The following ZNHIT6 variants were observed in gnomAD, a reference collection of about 807,000 sequenced individuals.
ZNHIT6 encodes box C/D snoRNA protein 1.
In ZNHIT6, 45 loss-of-function variants were observed where a neutral mutation model predicts 57.2. That is an observed-to-expected ratio of 0.79 (90% CI 0.62 to 1.01). The LOEUF (loss-of-function observed/expected upper bound fraction) is 1.01. Among genes scored for constraint, ZNHIT6 ranks in the 50% least tolerant of loss-of-function variants. The pLI is 0.00. For missense variants in ZNHIT6, 528 were observed against 567.3 expected (o/e 0.93, Z 0.70); for synonymous variants, 188 against 190.0 (o/e 0.99, Z 0.09).
chr1:85,701,547 A>C (rs1469725300), intron 5 of ZNHIT6, among the ~76,000 whole-genome samples: 1 of 152,226 alleles, frequency 6.6e-6, no homozygotes, highest in Admixed American at 6.5e-5. Context: ...TCTGTACTCA[A>C]GAGTTCAAAG....
chr1:85,682,276 G>A (rs537365399), intron 5 of ZNHIT6, among the ~76,000 whole-genome samples: 60 of 150,474 alleles, frequency 4.0e-4, no homozygotes, highest in Admixed American at 1.0e-3. Context: ...CACCTGGCTC[G>A]GCCTCCCAAA....
chr1:85,686,911 C>T (rs1360563541), intron 5 of ZNHIT6, among the ~76,000 whole-genome samples: 1 of 151,998 alleles, frequency 6.6e-6, no homozygotes, highest in African/African-American at 2.4e-5. Flanking sequence ...GTACCTCAGG[C>T]TTCTCATAGT....
intron 5 of ZNHIT6, among the ~76,000 whole-genome samples, chr1:85,682,271 G>T (rs1476048709): frequency 6.7e-6 from 1 of 149,928 alleles, no homozygotes; most frequent in Non-Finnish European, 1.5e-5. Flanking sequence ...TGATCCACCT[G>T]GCTCGGCCTC....
At chr1:85,695,457 G>A (rs958971486) in intron 5 of ZNHIT6, among the ~76,000 whole-genome samples, 18 of 152,108 alleles carry the variant, frequency 1.2e-4, no homozygotes, top group Non-Finnish European at 1.9e-4. Context: ...TTTTACTGAT[G>A]AGGAAAATGA....
intron 4 of ZNHIT6, among the ~76,000 whole-genome samples, chr1:85,704,667 TTAAG>T (rs1662630270): frequency 6.6e-6 from 1 of 152,154 alleles, no homozygotes; most frequent in Non-Finnish European, 1.5e-5. Flanking sequence ...TTATGCCTAA[TTAAG>T]TTTGAGGAAA....
At chr1:85,665,283 C>T (rs1007372092) in intron 8 of ZNHIT6, among the ~76,000 whole-genome samples, 6 of 151,366 alleles carry the variant, frequency 4.0e-5, no homozygotes, top group Non-Finnish European at 7.4e-5. Flanking sequence ...TTAAGGTATA[C>T]AATTTGATTT....
intron 5 of ZNHIT6, among the ~76,000 whole-genome samples, chr1:85,696,506 T>C (rs1662374776): frequency 6.6e-6 from 1 of 152,154 alleles, no homozygotes; most frequent in Non-Finnish European, 1.5e-5. Flanking sequence ...AAGGATACTT[T>C]AGGTTGGTGC....
chr1:85,705,600 C>G (rs1041538193), intron 4 of ZNHIT6, among the ~76,000 whole-genome samples: 1 of 152,192 alleles, frequency 6.6e-6, no homozygotes, highest in Non-Finnish European at 1.5e-5. Context: ...TTTAATTCCT[C>G]AAACCAGACA....
chr1:85,692,415 A>G (rs141598681), intron 5 of ZNHIT6, among the ~76,000 whole-genome samples: 20 of 152,322 alleles, frequency 1.3e-4, no homozygotes, highest in African/African-American at 4.3e-4. Context: ...TAGAGGCCCA[A>G]TTGGGGAACC....
intron 8 of ZNHIT6, among the ~76,000 whole-genome samples, chr1:85,670,294 G>A (rs1661522824): frequency 6.6e-6 from 1 of 152,088 alleles, no homozygotes; most frequent in Non-Finnish European, 1.5e-5. Flanking sequence ...TGCTACAATG[G>A]TAGAATTGAC....
chr1:85,679,128 T>C (rs951489280), intron 6 of ZNHIT6, among the ~76,000 whole-genome samples: 4 of 152,162 alleles, frequency 2.6e-5, no homozygotes, highest in African/African-American at 9.6e-5. Flanking sequence ...ATAATAAATC[T>C]GAAAAAAGGT....
intron 4 of ZNHIT6, among the ~76,000 whole-genome samples, chr1:85,702,746 A>G (rs1662572820): frequency 6.6e-6 from 1 of 152,214 alleles, no homozygotes; most frequent in Admixed American, 6.5e-5. Context: ...TGCCTAGTAC[A>G]AGGCCTAGCT....
chr1:85,706,627 T>G (rs1662693783), intron 1 of ZNHIT6, 120 bp from the exon 2 acceptor site: 8 of 886,600 alleles, frequency 9.0e-6, no homozygotes, highest in Admixed American at 3.6e-5. Context: ...ATTTGATAGC[T>G]GTTGAACATC....
Position 85,708,414 on chromosome 1 carries a change from A to G in ZNHIT6, c.-130T>C. On this transcript the variant is annotated 5_prime_UTR_variant, in exon 1 of 10. Transcript: ENST00000370574. ...GGAGCCAAGCAGCCACAAACCCGGA[A>G]TAGCCTGCTTGACGCGACTGCTCGA... 1 of 1,202,948 alleles carries G rather than the reference A, an allele frequency of 8.3e-7. No homozygotes were observed. The highest frequency in any genetic ancestry group is 1.1e-6 in the Non-Finnish European group (1 of 876,716). 74.5% of individuals were successfully genotyped at this position (1,202,948 alleles called of 1,614,324 possible).
rs776664448 is a variant in ZNHIT6, at chr1:85,652,768, T to A, written c.*1290A>T. 6.6e-6 allele frequency: 1 copy of A among 152,214 alleles called. No individual in the cohort carries two copies. Among genetic ancestry groups the A allele is most frequent in the Non-Finnish European group, 1.5e-5 (1 of 68,032 alleles). 9.4% of individuals were successfully genotyped at this position (152,214 alleles called of 1,614,324 possible). A position where few individuals can be genotyped will look rare whatever the true frequency, so the allele number is the denominator to read the frequency against. ...AAATCAATTTCATTAATGTCCAGTT[T>A]TATCATTGCTTTTTAACCATTAAGT... On this transcript the variant is annotated 3_prime_UTR_variant, in exon 10 of 10. Transcript: ENST00000370574.
rs191353115 is a variant in ZNHIT6, at chr1:85,666,342, G to A, written c.1248-8371C>T. Among the ~76,000 whole-genome samples the A allele has an allele frequency of 1.0e-3, 155 of 152,234 alleles. 1 individual carries two copies. Among genetic ancestry groups the A allele is most frequent in the African/African-American group, 3.6e-3 (151 of 41,558 alleles). On this transcript the variant is annotated intron_variant, in intron 8 of 9. Coordinates refer to ENST00000370574, the MANE Select transcript of ZNHIT6 (RefSeq NM_017953.4). ...ATATTCTATAACATAACAAGGATAGGTAAGTTTAGTAGATTAACATTACGC... is the reference window on the plus strand; with the variant it reads ...ATATTCTATAACATAACAAGGATAGATAAGTTTAGTAGATTAACATTACGC...
intron 5 of ZNHIT6, among the ~76,000 whole-genome samples, chr1:85,701,286 C>T (rs1662523756): frequency 6.6e-6 from 1 of 152,134 alleles, no homozygotes; most frequent in Admixed American, 6.5e-5. Flanking sequence ...CAACTCCCCA[C>T]ATCATACAAC....
At chr1:85,675,512 G>A (rs1661675522) in intron 8 of ZNHIT6, among the ~76,000 whole-genome samples, 1 of 152,148 alleles carries the variant, frequency 6.6e-6, no homozygotes. Flanking sequence ...ACAGAGCACA[G>A]GCAGAATAGA....
chr1:85,700,563 T>C (rs1353587866), intron 5 of ZNHIT6, among the ~76,000 whole-genome samples: 2 of 152,200 alleles, frequency 1.3e-5, no homozygotes, highest in African/African-American at 4.8e-5. Context: ...TTCATGTACC[T>C]ACAGACACAA....
Sources: allele counts gnomAD v4.1 joint callset (sites outside exome capture counted in the v4.1 genomes callset), GRCh38; gene constraint gnomAD v4.1.1; transcripts MANE v1.5; gene names NCBI Gene and HGNC (gene_info 2026-07-23, HGNC 2026-07-21).